ESRRG: variants seen among roughly 807,000 people sequenced by gnomAD.
ESRRG encodes the protein estrogen-related receptor gamma.
A neutral mutation model predicts 44.0 loss-of-function variants in ESRRG; 13 were observed. The ratio of observed to expected loss-of-function variants is 0.30; its 90% CI spans 0.19 to 0.47. ESRRG has a LOEUF of 0.47. Ranked by LOEUF, ESRRG falls within the 20% of genes least tolerant of loss-of-function variation. The probability of loss-of-function intolerance (pLI) is 1.00; values close to 1 mark genes in which losing one functional copy is unlikely to be tolerated. For synonymous variants in ESRRG, 215 were observed against 214.6 expected (o/e 1.00, Z -0.02); for missense variants, 395 against 580.6 (o/e 0.68, Z 3.29).
intron 1 of ESRRG, among the ~76,000 whole-genome samples, chr1:217,049,653 G>A (rs2085544764): frequency 6.6e-6 from 1 of 152,142 alleles, no homozygotes; most frequent in South Asian, 2.1e-4. Flanking sequence ...CCTGTGTAGG[G>A]CACTCATGAT....
intron 1 of ESRRG, among the ~76,000 whole-genome samples, chr1:217,106,807 G>GACTC (rs1358306530): frequency 6.6e-6 from 1 of 152,114 alleles, no homozygotes; most frequent in African/African-American, 2.4e-5. Flanking sequence ...AATTGTGACA[G>GACTC]ACTCACTCCT....
At chr1:216,516,005 C>T (rs544778186) in intron 6 of ESRRG, among the ~76,000 whole-genome samples, 20 of 151,754 alleles carry the variant, frequency 1.3e-4, no homozygotes, top group African/African-American at 3.9e-4. Flanking sequence ...ATTCCAGAAT[C>T]GGAAAGAATT....
chr1:216,521,717 T>C (rs528297815), intron 5 of ESRRG, among the ~76,000 whole-genome samples: 4 of 152,152 alleles, frequency 2.6e-5, no homozygotes, highest in South Asian at 2.1e-4. Context: ...GTTTATTGAG[T>C]GGAAGGAGGA....
At chr1:216,965,601 A>G (rs2070152931) in intron 1 of ESRRG, among the ~76,000 whole-genome samples, 1 of 152,098 alleles carries the variant, frequency 6.6e-6, no homozygotes, top group Non-Finnish European at 1.5e-5. Flanking sequence ...TTCTAGGCCT[A>G]CTTCAGGTCT....
intron 2 of ESRRG, among the ~76,000 whole-genome samples, chr1:216,917,482 A>G (rs1044322017): frequency 2.0e-5 from 3 of 152,210 alleles, no homozygotes; most frequent in African/African-American, 7.2e-5. Context: ...GAGATCTCAC[A>G]GTTAAACGTG....
chr1:217,090,932 G>A (rs1427925383), upstream of ESRRG, among the ~76,000 whole-genome samples: 4 of 152,202 alleles, frequency 2.6e-5, no homozygotes, highest in Non-Finnish European at 5.9e-5. Context: ...CTGCAAATAT[G>A]AGAATGCATT....
At chr1:216,987,337 A>G (rs563642850) in intron 1 of ESRRG, among the ~76,000 whole-genome samples, 1 of 152,360 alleles carries the variant, frequency 6.6e-6, no homozygotes, top group African/African-American at 2.4e-5. Flanking sequence ...ATGAAGGAAT[A>G]CAATGCTAGT....
At chr1:217,012,814 T>G (rs1290253997) in intron 1 of ESRRG, among the ~76,000 whole-genome samples, 1 of 152,202 alleles carries the variant, frequency 6.6e-6, no homozygotes, top group East Asian at 1.9e-4. Context: ...TTTCTATTCA[T>G]AGTTTGCCCT....
intron 2 of ESRRG, among the ~76,000 whole-genome samples, chr1:216,763,080 G>A (rs988782388): frequency 2.6e-5 from 4 of 152,088 alleles, no homozygotes; most frequent in African/African-American, 7.2e-5. Flanking sequence ...GTTAGTGCAG[G>A]CAAGAAGGGG....
At chr1:217,071,026 C>T (rs979755214) in intron 1 of ESRRG, among the ~76,000 whole-genome samples, 3 of 152,214 alleles carry the variant, frequency 2.0e-5, no homozygotes, top group Middle Eastern at 3.4e-3. Context: ...TTCTCTTCTT[C>T]CTCCTCCTCT....
intron 3 of ESRRG, among the ~76,000 whole-genome samples, chr1:216,611,183 A>T (rs1398927639): frequency 6.7e-6 from 1 of 148,226 alleles, no homozygotes; most frequent in East Asian, 2.0e-4. Context: ...AGCCTGGGCA[A>T]TAAGAGCCAA....
At chr1:217,003,156 C>CA (rs918716845) in intron 1 of ESRRG, among the ~76,000 whole-genome samples, 8 of 149,392 alleles carry the variant, frequency 5.4e-5, no homozygotes, top group East Asian at 2.0e-4. Context: ...CAGGAAGTTG[C>CA]AAAAAAAAAT....
chr1:216,847,928 A>G (rs1400640267), intron 2 of ESRRG, among the ~76,000 whole-genome samples: 1 of 152,118 alleles, frequency 6.6e-6, no homozygotes, highest in Non-Finnish European at 1.5e-5. Context: ...ATGTTTTTTA[A>G]TCATGAACAA....
chr1:216,641,287 G>C (rs1387137259), intron 3 of ESRRG, among the ~76,000 whole-genome samples: 1 of 152,162 alleles, frequency 6.6e-6, no homozygotes, highest in African/African-American at 2.4e-5. Flanking sequence ...CATTTCTAAT[G>C]TAATTGTGAT....
intron 2 of ESRRG, among the ~76,000 whole-genome samples, chr1:216,780,043 A>G (rs188794364): frequency 1.3e-5 from 2 of 152,044 alleles, no homozygotes; most frequent in Admixed American, 1.3e-4. Context: ...GAAATTTTTT[A>G]AAGGCCATGT....
chr1:216,542,801 A>T (rs576304747), intron 5 of ESRRG, among the ~76,000 whole-genome samples: 24 of 152,088 alleles, frequency 1.6e-4, no homozygotes, highest in African/African-American at 5.8e-4. Flanking sequence ...CACACTTTGC[A>T]TGGACAATAG....
chr1:216,993,836 A>T (rs539030548), intron 1 of ESRRG, among the ~76,000 whole-genome samples: 1 of 152,196 alleles, frequency 6.6e-6, no homozygotes, highest in Non-Finnish European at 1.5e-5. Context: ...CCTGAATTAT[A>T]GCCTATAGCA....
intron 2 of ESRRG, among the ~76,000 whole-genome samples, chr1:216,797,933 T>C (rs911054110): frequency 6.6e-6 from 1 of 152,140 alleles, no homozygotes; most frequent in Non-Finnish European, 1.5e-5. Context: ...AGAGTATCTA[T>C]AGGGATTATT....
intron 2 of ESRRG, among the ~76,000 whole-genome samples, chr1:216,929,902 C>G (rs747052116): frequency 6.6e-6 from 1 of 152,112 alleles, no homozygotes; most frequent in Non-Finnish European, 1.5e-5. Context: ...TCAACCTCCC[C>G]ATGTTCTCAT....
Sources: allele counts gnomAD v4.1 joint callset (sites outside exome capture counted in the v4.1 genomes callset), GRCh38; gene constraint gnomAD v4.1.1; transcripts MANE v1.5; gene names NCBI Gene and HGNC (gene_info 2026-07-23, HGNC 2026-07-21).